Variants in TENM4 observed in about 807,000 individuals in gnomAD.
The protein encoded by TENM4 is teneurin transmembrane protein 4.
Under a neutral mutation model 243.3 loss-of-function variants are expected in TENM4, and 82 were observed. That is an observed-to-expected ratio of 0.34 (90% CI 0.28 to 0.40). The LOEUF is 0.40. TENM4 is among the 10% of genes least tolerant of loss of function. TENM4 has a pLI of 1.00. For synonymous variants in TENM4, 1,412 were observed against 1,456.3 expected, an observed-to-expected ratio of 0.97 and a Z score of 0.69; for missense variants, 3,138 against 3,673.3, an observed-to-expected ratio of 0.85 and a Z score of 3.77.
At chr11:79,092,110 G>A (rs1345449201) in intron 4 of TENM4, among the ~76,000 whole-genome samples, 1 of 152,148 alleles carries the variant, frequency 6.6e-6, no homozygotes, top group Non-Finnish European at 1.5e-5. Context: ...GGTGAGCCCT[G>A]GAGGCAAGGG....
At chr11:79,082,191 G>A (rs538369884) in intron 4 of TENM4, among the ~76,000 whole-genome samples, 1 of 152,242 alleles carries the variant, frequency 6.6e-6, no homozygotes, top group Non-Finnish European at 1.5e-5. Context: ...AAAGCTCTCT[G>A]ACTTTCTCTT....
At chr11:78,666,104 C>CA (rs1858153698) in intron 32 of TENM4, among the ~76,000 whole-genome samples, 1 of 152,084 alleles carries the variant, frequency 6.6e-6, no homozygotes. Flanking sequence ...TGTAGTCTAC[C>CA]TGGATGCTAA....
At position 78,670,236 on chromosome 11, in the gene TENM4, T is replaced by C; in HGVS notation, c.6109A>G (p.Thr2037Ala). 3.1e-6 allele frequency: 5 copies of C among 1,613,896 alleles called. No individual in the cohort carries two copies. The highest frequency in any genetic ancestry group is 4.2e-6 in the Non-Finnish European group (5 of 1,179,860). ...TTGATGGTCTTCAGCATGCCTGCCG[T>C]CTCGTCATAGGTGAAACTGACCTTG... ...TTKVSFTYDE[T>A]AGMLKTINLQ... is the part of the protein sequence containing the mutation. Residue 2037 changes from threonine (T) to alanine (A), a missense_variant, in exon 32 of 34, where the codon ACG becomes GCG. Thr to Ala is a moderately conservative substitution (Grantham distance 58). Transcript: ENST00000278550.
intron 4 of TENM4, among the ~76,000 whole-genome samples, chr11:79,117,507 G>T (rs1861648151): frequency 6.6e-6 from 1 of 152,208 alleles, no homozygotes; most frequent in Non-Finnish European, 1.5e-5. Context: ...CACCTGCCAG[G>T]TGATGGGGCG....
intron 2 of TENM4, among the ~76,000 whole-genome samples, chr11:79,251,795 A>G (rs999070418): frequency 1.4e-5 from 2 of 147,398 alleles, no homozygotes; most frequent in African/African-American, 5.3e-5. Context: ...AAATAAGCAA[A>G]TAAAACTCGA....
chr11:79,014,053 A>T (rs963216223), intron 6 of TENM4, among the ~76,000 whole-genome samples: 1 of 152,008 alleles, frequency 6.6e-6, no homozygotes, highest in Non-Finnish European at 1.5e-5. Flanking sequence ...CTGGGCAGGA[A>T]CTCTTGTTAT....
At chr11:79,432,282 C>A (rs181997283) in intron 1 of TENM4, among the ~76,000 whole-genome samples, 11 of 152,284 alleles carry the variant, frequency 7.2e-5, no homozygotes, top group African/African-American at 2.6e-4. Context: ...TTCTCCAATG[C>A]AACGTGAATG....
intron 1 of TENM4, among the ~76,000 whole-genome samples, chr11:79,372,732 A>G (rs1857811822): frequency 6.6e-6 from 1 of 152,200 alleles, no homozygotes; most frequent in Admixed American, 6.5e-5. Context: ...ATATGAGCTC[A>G]TGAAGATATG....
At chr11:79,116,893 G>A (rs1400364129) in intron 4 of TENM4, among the ~76,000 whole-genome samples, 1 of 152,154 alleles carries the variant, frequency 6.6e-6, no homozygotes, top group Non-Finnish European at 1.5e-5. Context: ...GGGGAAAGGT[G>A]TATAACATGC....
intron 6 of TENM4, among the ~76,000 whole-genome samples, chr11:78,999,627 T>TA (rs1858265042): frequency 6.6e-6 from 1 of 152,138 alleles, no homozygotes; most frequent in South Asian, 2.1e-4. Context: ...GTTGTTACAA[T>TA]ATAGTAACTG....
chr11:79,358,038 G>A (rs61882490), intron 1 of TENM4, among the ~76,000 whole-genome samples: 15 of 152,122 alleles, frequency 9.9e-5, no homozygotes, highest in Non-Finnish European at 2.1e-4. Flanking sequence ...ACCATGCCCT[G>A]AGCTTTATTT....
chr11:78,692,719 C>A (rs1015295803), intron 28 of TENM4, among the ~76,000 whole-genome samples: 1 of 152,182 alleles, frequency 6.6e-6, no homozygotes. Flanking sequence ...ACTCTCAGCA[C>A]GTCCTTCTTC....
chr11:78,956,843 G>A (rs1458707293), intron 6 of TENM4, among the ~76,000 whole-genome samples: 1 of 152,206 alleles, frequency 6.6e-6, no homozygotes, highest in Non-Finnish European at 1.5e-5. Flanking sequence ...GGCAGAAATA[G>A]TGATGTGTTT....
Position 78,658,826 on chromosome 11 carries a change from G to T in TENM4, c.7552-10C>A, listed in dbSNP as rs746357392. On this transcript the variant is annotated splice_polypyrimidine_tract_variant and intron_variant, in intron 33 of 33. Coordinates refer to ENST00000278550, the MANE Select transcript of TENM4 (RefSeq NM_001098816.3). ...GTACCCCGAGGATAGACTGATGGGG[G>T]AGGAGAGTGAGAGAGAGAGTAAGAC... 1.2e-6 allele frequency: 2 copies of T among 1,603,530 alleles called. No individual in the cohort carries two copies. The highest frequency in any genetic ancestry group is 2.2e-5 in the East Asian group (1 of 44,614).
At chr11:79,167,122 G>A (rs778419537) in intron 3 of TENM4, among the ~76,000 whole-genome samples, 2 of 145,572 alleles carry the variant, frequency 1.4e-5, no homozygotes, top group Non-Finnish European at 1.6e-5. Context: ...AGGCCGGCAC[G>A]GCAGTTCTAC....
At chr11:79,408,031 G>A (rs1426738469) in intron 1 of TENM4, among the ~76,000 whole-genome samples, 2 of 151,810 alleles carry the variant, frequency 1.3e-5, no homozygotes, top group Non-Finnish European at 2.9e-5. Context: ...AGCCTCCCAA[G>A]TAGCTGGGAT....
At position 78,669,404 on chromosome 11, in the gene TENM4, T is replaced by A; in HGVS notation, c.6941A>T (p.Tyr2314Phe). 4 of 1,613,436 alleles carry A rather than the reference T, an allele frequency of 2.5e-6. No homozygotes were observed. The highest frequency in any genetic ancestry group is 2.5e-6 in the Non-Finnish European group (3 of 1,179,570). ...CTTGGTGGGGTTGGTCAGGTCTGCA[T>A]AGAAGAACTGCAGGTGGTGGCTGTG... ...SSHSHHLQFF[Y>F]ADLTNPTKVT... Residue 2314 changes from tyrosine to phenylalanine, a missense_variant, in exon 32 of 34, where the codon TAT (tyrosine) becomes TTT (phenylalanine). By Grantham distance (22) the Tyr-to-Phe change is conservative. Coordinates refer to ENST00000278550, the MANE Select transcript of TENM4 (RefSeq NM_001098816.3). The surrounding 1 kb of genome is among the most constrained non-coding windows in gnomAD (Gnocchi z 6.4).
intron 1 of TENM4, among the ~76,000 whole-genome samples, chr11:79,398,759 A>AAG (rs397953154): frequency 1.7e-5 from 1 of 59,610 alleles, no homozygotes; most frequent in South Asian, 7.8e-4. Context: ...AAAAAAAAAA[A>AAG]GAGTGCCACA....
At chr11:78,809,161 C>T (rs1044823246) in intron 14 of TENM4, among the ~76,000 whole-genome samples, 1 of 152,068 alleles carries the variant, frequency 6.6e-6, no homozygotes, top group Admixed American at 6.5e-5. Flanking sequence ...CTTCCTTAGA[C>T]GTAATGAGTC....
Sources: gnomAD v4.1 joint callset for allele counts (sites outside exome capture counted in the v4.1 genomes callset) on GRCh38, gnomAD v4.1.1 for gene constraint, Gnocchi (gnomAD v3.1) non-coding constraint, MANE v1.5 for transcripts, NCBI Gene and HGNC (gene_info 2026-07-23, HGNC 2026-07-21) for gene names.